Variants in SPATA21 observed in about 807,000 individuals in gnomAD.
The protein encoded by SPATA21 is spermatogenesis associated 21.
Under a neutral mutation model 54.8 loss-of-function variants are expected in SPATA21, and 47 were observed. The ratio of observed to expected loss-of-function variants is 0.86; its 90% CI spans 0.68 to 1.09. The LOEUF (loss-of-function observed/expected upper bound fraction) is 1.09. SPATA21 is among the 50% of genes least tolerant of loss of function. The pLI is 0.00. For synonymous variants in SPATA21, 245 were observed against 235.3 expected (o/e 1.04, Z -0.38); for missense variants, 599 against 596.4 (o/e 1.00, Z -0.05).
intron 3 of SPATA21, among the ~76,000 whole-genome samples, chr1:16,429,939 C>T (rs1001909017): frequency 5.3e-5 from 8 of 149,696 alleles, no homozygotes; most frequent in East Asian, 4.0e-4. Flanking sequence ...CCGAGGTGGG[C>T]GGATCACTTG....
Position 16,403,812 on chromosome 1 carries a change from T to C in SPATA21, c.916A>G (p.Asn306Asp). Reference protein sequence around the residue: ...QNALSDMAPHNPHTLLFEILS... With the variant: ...QNALSDMAPHDPHTLLFEILS... ...ATCTCAAAGAGTAGAGTGTGGGGGT[T>C]GTGGGGAGCCATGTCCGACAGGGCG... is the stretch of plus-strand genomic sequence containing the variant. The change falls in exon 10 of 13, where the codon AAC becomes GAC. Residue 306 changes from asparagine to aspartate, a missense_variant. By Grantham distance (23) the Asn-to-Asp change is conservative. Transcript: ENST00000335496. 1 of 1,611,650 alleles carries C rather than the reference T, an allele frequency of 6.2e-7. No homozygotes were observed. Among genetic ancestry groups the C allele is most frequent in the Non-Finnish European group, 8.5e-7 (1 of 1,178,826 alleles).
chr1:16,413,873 A>T (rs1372322992), intron 5 of SPATA21, among the ~76,000 whole-genome samples: 1 of 152,042 alleles, frequency 6.6e-6, no homozygotes, highest in Non-Finnish European at 1.5e-5. Flanking sequence ...TCGGCCTCCC[A>T]AAGTGCTGGG....
chr1:16,425,630 A>G, intron 3 of SPATA21: 3 of 1,550,280 alleles, frequency 1.9e-6, no homozygotes, highest in Middle Eastern at 3.4e-4. Flanking sequence ...CCCTTCAGGT[A>G]CTTCAGGAAC....
rs1197267046 is a variant in SPATA21, at chr1:16,428,567, T to A, written c.34+2771A>T. Among the ~76,000 whole-genome samples, 2 of 151,788 alleles carry A rather than the reference T, an allele frequency of 1.3e-5. No homozygotes were observed. Among genetic ancestry groups the A allele is most frequent in the East Asian group, 2.1e-4 (1 of 4,822 alleles). On this transcript the variant is annotated intron_variant, in intron 3 of 12. Coordinates refer to ENST00000335496, the MANE Select transcript of SPATA21 (RefSeq NM_198546.1). This position sits in a 1 kb window ranked among gnomAD's most constrained non-coding sequence, Gnocchi z 4.3. ...ACCATGCCCAACTAATTTTTTTTTTTTATTTTTTTTGTAGGCCAGGCTGGT... is the reference window on the plus strand; with the variant it reads ...ACCATGCCCAACTAATTTTTTTTTTATATTTTTTTTGTAGGCCAGGCTGGT...
At chr1:16,429,880 G>A (rs1422476878) in intron 3 of SPATA21, among the ~76,000 whole-genome samples, 1 of 151,010 alleles carries the variant, frequency 6.6e-6, no homozygotes, top group Non-Finnish European at 1.5e-5. Context: ...TCAAAAAGAG[G>A]CCAGTGGGGC....
At position 16,415,933 on chromosome 1, in the gene SPATA21, G is replaced by A. The variant is rs533987266; in HGVS notation, c.144+5576C>T. Among the ~76,000 whole-genome samples the A allele has an allele frequency of 9.7e-4, 148 of 152,264 alleles. 1 individual carries two copies. Among genetic ancestry groups the A allele is most frequent in the African/African-American group, 3.5e-3 (146 of 41,556 alleles). On this transcript the variant is annotated intron_variant, in intron 5 of 12. Coordinates refer to ENST00000335496, the MANE Select transcript of SPATA21 (RefSeq NM_198546.1). The stretch of plus-strand genomic sequence containing the variant: ...GCGCTCAGCCTGTGGGTGAACGATG[G>A]TGCCAAGGCCCTGACATCTTTCCCT...
At chr1:16,429,336 T>G (rs1186241100) in intron 3 of SPATA21, among the ~76,000 whole-genome samples, 3 of 151,414 alleles carry the variant, frequency 2.0e-5, no homozygotes, top group Non-Finnish European at 4.4e-5. Context: ...CTCACGATGT[T>G]GCCCAGGCTG....
intron 3 of SPATA21, among the ~76,000 whole-genome samples, chr1:16,423,065 G>C (rs976141130): frequency 2.0e-5 from 3 of 151,952 alleles, no homozygotes; most frequent in Non-Finnish European, 4.4e-5. Context: ...GTTGAGGGAC[G>C]AGAATCACTT....
At chr1:16,431,161 G>A (rs2086447174) in intron 3 of SPATA21, 177 bp downstream of exon 3, 1 of 1,433,764 alleles carries the variant, frequency 7.0e-7, no homozygotes, top group Non-Finnish European at 9.3e-7. Context: ...AATTAAAGCA[G>A]CTGGGGAGGA....
In SPATA21 at chr1:16,425,162, C is replaced by T. The variant is rs189787260; in HGVS notation, c.35-3191G>A. The T allele has an allele frequency of 1.2e-4, 56 of 464,974 alleles. 1 individual carries two copies. Among genetic ancestry groups the T allele is most frequent in the South Asian group, 6.3e-4 (40 of 63,776 alleles). 28.8% of individuals were successfully genotyped at this position (464,974 alleles called of 1,614,324 possible). A position where few individuals can be genotyped will look rare whatever the true frequency, so the allele number is the denominator to read the frequency against. On this transcript the variant is annotated intron_variant, in intron 3 of 12. Coordinates refer to ENST00000335496, the MANE Select transcript of SPATA21 (RefSeq NM_198546.1). ...TTGACCTCAGGTGATCTGCCTCCTT[C>T]GGCCTCCAGAAGTGCTGGGATTAAC... is the stretch of plus-strand genomic sequence containing the variant.
At chr1:16,417,690 C>T (rs1217783592) in intron 5 of SPATA21, among the ~76,000 whole-genome samples, 1 of 152,112 alleles carries the variant, frequency 6.6e-6, no homozygotes, top group Non-Finnish European at 1.5e-5. Flanking sequence ...CCACCTCGGC[C>T]TCCCAAAGTG....
chr1:16,431,228 G>A, intron 3 of SPATA21, 110 bp downstream of exon 3: 1 of 1,601,138 alleles, frequency 6.2e-7, no homozygotes, highest in Middle Eastern at 1.7e-4. Context: ...CAGAACATGG[G>A]GTGCAGGTCC....
chr1:16,403,240 A>C (rs930541969), intron 10 of SPATA21, among the ~76,000 whole-genome samples: 2 of 152,170 alleles, frequency 1.3e-5, no homozygotes, highest in African/African-American at 4.8e-5. Flanking sequence ...TGCATGCTGC[A>C]GGAAAGAATT....
In SPATA21 at chr1:16,409,350, G is replaced by C. The variant is rs2085755086; in HGVS notation, c.588-147C>G. 1.1e-6 allele frequency: 1 copy of C among 915,296 alleles called. No individual in the cohort carries two copies. Among genetic ancestry groups the C allele is most frequent in the East Asian group, 2.6e-5 (1 of 38,022 alleles). 56.7% of individuals were successfully genotyped at this position (915,296 alleles called of 1,614,324 possible). On this transcript the variant is annotated intron_variant, in intron 6 of 12. Coordinates refer to ENST00000335496, the MANE Select transcript of SPATA21 (RefSeq NM_198546.1). This position sits in a 1 kb window ranked among gnomAD's most constrained non-coding sequence, Gnocchi z 4.1. ...AGATCAAGAATGGCAGGAAAAAGGA[G>C]ATCCAGAGGAGAAGTGGGACAGAGG...
chr1:16,409,239 C>G lies in SPATA21; in HGVS notation c.588-36G>C. 1 of 1,611,608 alleles carries G rather than the reference C, an allele frequency of 6.2e-7. No individual in the cohort carries two copies. The highest frequency in any genetic ancestry group is 8.5e-7 in the Non-Finnish European group (1 of 1,178,390). ...CAGAACCCCGACCCAGGGCAACATCCGGCCGCCCACCCTGCTGATAGCTAG... is the reference window on the plus strand; with the variant it reads ...CAGAACCCCGACCCAGGGCAACATCGGGCCGCCCACCCTGCTGATAGCTAG... On this transcript the variant is annotated intron_variant, in intron 6 of 12. Coordinates refer to ENST00000335496, the MANE Select transcript of SPATA21 (RefSeq NM_198546.1). The surrounding 1 kb of genome is among the most constrained non-coding windows in gnomAD (Gnocchi z 4.1).
Position 16,409,493 on chromosome 1 carries a change from G to A in SPATA21, c.587+108C>T. 8.6e-7 allele frequency: 1 copy of A among 1,160,184 alleles called. No homozygotes were observed. The highest frequency in any genetic ancestry group is 1.2e-6 in the Non-Finnish European group (1 of 825,838). The allele number at this position is 1,160,184 out of a possible 1,614,324, so 71.9% of individuals were successfully genotyped here. Reference sequence around the variant, plus strand: ...CACATGAGGAGAAATGGAGAGAGGGGGACACACGAGGGAACAGGCAGGTGC... The same window carrying A: ...CACATGAGGAGAAATGGAGAGAGGGAGACACACGAGGGAACAGGCAGGTGC... On this transcript the variant is annotated intron_variant, in intron 6 of 12. Transcript: ENST00000335496. The surrounding 1 kb of genome is among the most constrained non-coding windows in gnomAD (Gnocchi z 4.1).
chr1:16,432,092 T>G (rs2086471831), intron 2 of SPATA21, among the ~76,000 whole-genome samples: 1 of 150,394 alleles, frequency 6.6e-6, no homozygotes. Flanking sequence ...CTTTTTCTTT[T>G]TCTTTTCTTC....
intron 5 of SPATA21, among the ~76,000 whole-genome samples, chr1:16,418,497 C>G (rs2086079608): frequency 6.6e-6 from 1 of 151,752 alleles, no homozygotes; most frequent in Admixed American, 6.6e-5. Flanking sequence ...TGGTCTCGAT[C>G]TCCTGACCTC....
chr1:16,399,497 G>A lies in SPATA21; in HGVS notation c.1199C>T (p.Ala400Val). ...NYAPNLQSPY[A>V]QVPCILLCPQ... Reference sequence around the variant, plus strand: ...GCAGAGCAGGATGCAGGGCACCTGGGCATAGGGGCTCTGCAGGTTGGGAGC... The same window carrying A: ...GCAGAGCAGGATGCAGGGCACCTGGACATAGGGGCTCTGCAGGTTGGGAGC... The change falls in exon 12 of 13, where the codon GCC becomes GTC. Residue 400 changes from alanine to valine, a missense_variant. Physicochemically the swap from Ala to Val is moderately conservative, Grantham distance 64 (BLOSUM62 0). Coordinates refer to ENST00000335496, the MANE Select transcript of SPATA21 (RefSeq NM_198546.1). 6.2e-7 allele frequency: 1 copy of A among 1,613,942 alleles called. No homozygotes were observed. The highest frequency in any genetic ancestry group is 8.5e-7 in the Non-Finnish European group (1 of 1,179,954).
Sources: gnomAD v4.1 joint callset for allele counts (sites outside exome capture counted in the v4.1 genomes callset) on GRCh38, gnomAD v4.1.1 for gene constraint, Gnocchi (gnomAD v3.1) non-coding constraint, MANE v1.5 for transcripts, NCBI Gene and HGNC (gene_info 2026-07-23, HGNC 2026-07-21) for gene names.